Variants in SPACA7 observed in about 807,000 individuals in gnomAD.
SPACA7 encodes sperm acrosome associated 7.
A neutral mutation model predicts 26.3 loss-of-function variants in SPACA7; 19 were observed. The ratio of observed to expected loss-of-function variants is 0.72; its 90% CI spans 0.50 to 1.06. The LOEUF (loss-of-function observed/expected upper bound fraction) is 1.06. Among genes scored for constraint, SPACA7 ranks in the 50% least tolerant of loss-of-function variants. SPACA7 has a pLI of 0.00. For missense variants in SPACA7, 211 were observed against 229.9 expected (o/e 0.92, Z 0.53); for synonymous variants, 84 against 84.5 (o/e 0.99, Z 0.04).
At chr13:112,407,154 A>G (rs368460304) in intron 5 of SPACA7, among the ~76,000 whole-genome samples, 3 of 152,140 alleles carry the variant, frequency 2.0e-5, no homozygotes, top group Admixed American at 1.3e-4. Flanking sequence ...AAATAAAGAT[A>G]TTCTTTGAAA....
chr13:112,385,589 G>A (rs374332919), intron 1 of SPACA7, among the ~76,000 whole-genome samples: 13 of 152,050 alleles, frequency 8.5e-5, no homozygotes, highest in African/African-American at 2.9e-4. Flanking sequence ...TAGGTAAATT[G>A]AACAATTTTT....
At chr13:112,383,182 AAAGAAAGAAAGAAAAG>A (rs1247207636) in intron 1 of SPACA7, among the ~76,000 whole-genome samples, 11 of 131,830 alleles carry the variant, frequency 8.3e-5, no homozygotes, top group Admixed American at 4.5e-4. Context: ...AGAAAGAAAG[AAAGAAAGAAAGAAAAG>A]AAAGAAAGAA....
intron 5 of SPACA7, among the ~76,000 whole-genome samples, chr13:112,430,975 C>A (rs1012159120): frequency 6.6e-6 from 1 of 152,168 alleles, no homozygotes; most frequent in Non-Finnish European, 1.5e-5. Context: ...ATGAAATTGG[C>A]AGTAATCTCT....
chr13:112,429,082 T>C (rs1280382149), intron 5 of SPACA7, among the ~76,000 whole-genome samples: 1 of 152,236 alleles, frequency 6.6e-6, no homozygotes, highest in Non-Finnish European at 1.5e-5. Flanking sequence ...GAGTTATCCC[T>C]GCAACAAGAC....
intron 1 of SPACA7, chr13:112,382,129 T>G: frequency 3.4e-6 from 1 of 295,594 alleles, no homozygotes; most frequent in Non-Finnish European, 6.3e-6. Flanking sequence ...CAAGGACAGA[T>G]TGGATGTTAG....
chr13:112,398,728 A>G (rs962336942), intron 3 of SPACA7, among the ~76,000 whole-genome samples: 4 of 152,216 alleles, frequency 2.6e-5, no homozygotes, highest in Non-Finnish European at 4.4e-5. Flanking sequence ...GTTGCCAAGG[A>G]GAGAACTGGG....
chr13:112,383,131 AAGAAAGAAAGAAAGAAAG>A (rs1423723129), intron 1 of SPACA7, among the ~76,000 whole-genome samples: 1,179 of 53,438 alleles, frequency 0.022, 29 homozygotes, highest in Middle Eastern at 0.036. Context: ...AAAAGAAAGA[AAGAAAGAAAGAAAGAAAG>A]AAAGAAAGAA....
intron 5 of SPACA7, among the ~76,000 whole-genome samples, chr13:112,402,512 C>A (rs538709534): frequency 2.0e-5 from 3 of 152,294 alleles, no homozygotes; most frequent in Non-Finnish European, 4.4e-5. Context: ...AATTTTTATG[C>A]ATCTCATTGA....
At chr13:112,422,376 T>C (rs922308289) in intron 5 of SPACA7, among the ~76,000 whole-genome samples, 3 of 152,140 alleles carry the variant, frequency 2.0e-5, no homozygotes, top group Non-Finnish European at 2.9e-5. Context: ...TTTTCAGTAA[T>C]TGATAAAAGA....
In SPACA7 at chr13:112,377,550, G is replaced by A. The variant is rs9577350; in HGVS notation, c.94+1071G>A. 0.025 allele frequency among the ~76,000 whole-genome samples: 3,742 copies of A among 152,308 alleles called. 236 individuals carry two copies. In the East Asian group the frequency reaches 0.28, roughly 11 times the overall value. On this transcript the variant is annotated intron_variant, in intron 1 of 6. Coordinates refer to ENST00000283550, the MANE Select transcript of SPACA7 (RefSeq NM_145248.5). ...AGGCAATAAAATAATCAAAGATGGAGGGTGAGGAATTTGATCAGATATCAA... is the reference window on the plus strand; with the variant it reads ...AGGCAATAAAATAATCAAAGATGGAAGGTGAGGAATTTGATCAGATATCAA...
intron 2 of SPACA7, among the ~76,000 whole-genome samples, chr13:112,394,181 C>T (rs1885082439): frequency 6.6e-6 from 1 of 152,186 alleles, no homozygotes; most frequent in African/African-American, 2.4e-5. Flanking sequence ...GGTGTGAGCG[C>T]TTAGCCAGTG....
At chr13:112,395,268 G>C (rs1259836941) in intron 2 of SPACA7, among the ~76,000 whole-genome samples, 2 of 152,184 alleles carry the variant, frequency 1.3e-5, no homozygotes, top group African/African-American at 4.8e-5. Context: ...TCTCTGGTCG[G>C]CTCCGAATTG....
chr13:112,430,999 T>C (rs2139084686), intron 5 of SPACA7, among the ~76,000 whole-genome samples: 1 of 152,320 alleles, frequency 6.6e-6, no homozygotes, highest in African/African-American at 2.4e-5. Context: ...GTGTAGGTTA[T>C]CCCTGGAAAG....
intron 4 of SPACA7, among the ~76,000 whole-genome samples, chr13:112,400,242 C>A (rs994844931): frequency 5.3e-5 from 8 of 152,196 alleles, no homozygotes; most frequent in Non-Finnish European, 1.0e-4. Flanking sequence ...AGAGTCCCCC[C>A]AATAAGACAG....
At chr13:112,432,186 C>T (rs1877215445) in intron 5 of SPACA7, among the ~76,000 whole-genome samples, 1 of 152,164 alleles carries the variant, frequency 6.6e-6, no homozygotes. Flanking sequence ...AGAGAAAACA[C>T]AGAGAAAGCA....
At chr13:112,397,092 T>G (rs1463599287) in intron 2 of SPACA7, among the ~76,000 whole-genome samples, 2 of 152,272 alleles carry the variant, frequency 1.3e-5, no homozygotes, top group South Asian at 4.1e-4. Flanking sequence ...GCGCGGCTGC[T>G]GGGTGAGAAA....
chr13:112,431,564 G>A (rs986358346), intron 5 of SPACA7, among the ~76,000 whole-genome samples: 2 of 152,140 alleles, frequency 1.3e-5, no homozygotes, highest in East Asian at 1.9e-4. Flanking sequence ...CTAGGTGCTC[G>A]GCAGATATAT....
rs563892319 is a variant in SPACA7 at position 112,425,432 on chromosome 13, G to A, written c.446-7012G>A. On this transcript the variant is annotated intron_variant, in intron 5 of 6. Coordinates refer to ENST00000283550, the MANE Select transcript of SPACA7 (RefSeq NM_145248.5). ...AAATGGGATGGCTTCCCCTCAGCTC[G>A]GCCCGGCCGCTGGAGCCAAGGTTGG... is the stretch of plus-strand genomic sequence containing the variant. Among the ~76,000 whole-genome samples, 86 of 152,338 alleles carry A rather than the reference G, an allele frequency of 5.6e-4. 1 individual carries two copies. Among genetic ancestry groups the A allele is most frequent in the African/African-American group, 1.9e-3 (77 of 41,574 alleles).
chr13:112,391,670 G>A (rs543364087), intron 1 of SPACA7, among the ~76,000 whole-genome samples: 3 of 152,334 alleles, frequency 2.0e-5, no homozygotes, highest in East Asian at 3.9e-4. Flanking sequence ...AAAACCGCAC[G>A]GATGTTATAA....
Sources: allele counts gnomAD v4.1 joint callset (sites outside exome capture counted in the v4.1 genomes callset), GRCh38; gene constraint gnomAD v4.1.1; transcripts MANE v1.5; gene names NCBI Gene and HGNC (gene_info 2026-07-23, HGNC 2026-07-21).